The following ILF2 variants were observed in gnomAD, a reference collection of about 807,000 sequenced individuals.
ILF2 encodes interleukin enhancer binding factor 2.
Under a neutral mutation model 55.3 loss-of-function variants are expected in ILF2, and 9 were observed. That is an observed-to-expected ratio of 0.16 (90% CI 0.10 to 0.28). ILF2 has a LOEUF of 0.28. Among genes scored for constraint, ILF2 ranks in the 10% least tolerant of loss-of-function variants. The pLI is 1.00. For missense variants in ILF2, 266 were observed against 474.9 expected, an observed-to-expected ratio of 0.56 and a Z score of 4.09; for synonymous variants, 151 against 161.8, an observed-to-expected ratio of 0.93 and a Z score of 0.50.
At position 153,661,899 on chromosome 1, in the gene ILF2, A is replaced by T. The variant is rs1273213066; in HGVS notation, c.*497T>A. 2 of 155,940 alleles carry T rather than the reference A, an allele frequency of 1.3e-5. No homozygotes were observed. The highest frequency in any genetic ancestry group is 2.8e-5 in the Non-Finnish European group (2 of 70,214). The allele number at this position is 155,940 out of a possible 1,614,324, so 9.7% of individuals were successfully genotyped here. A position where few individuals can be genotyped will look rare whatever the true frequency, so the allele number is the denominator to read the frequency against. The stretch of plus-strand genomic sequence containing the variant: ...TCCTTTAATTCAAAGACAGCTTCAA[A>T]TTGTGATCTGAGTATTTATAATTAA... On this transcript the variant is annotated 3_prime_UTR_variant, in exon 14 of 14. Transcript: ENST00000361891.
At chr1:153,669,169 T>C (rs1205090178) in intron 3 of ILF2, among the ~76,000 whole-genome samples, 2 of 151,480 alleles carry the variant, frequency 1.3e-5, no homozygotes, top group Non-Finnish European at 2.9e-5. Context: ...GCCTCCCAGG[T>C]TCAGTGCAGT....
chr1:153,664,508 C>T (rs1287947290), intron 8 of ILF2, 34 bp from the exon 9 acceptor site: 3 of 1,524,590 alleles, frequency 2.0e-6, no homozygotes, highest in South Asian at 2.2e-5. Context: ...CAGGATGAAA[C>T]ATTTTCATTA....
intron 3 of ILF2, among the ~76,000 whole-genome samples, chr1:153,668,758 C>T (rs1232487090): frequency 6.6e-6 from 1 of 151,862 alleles, no homozygotes; most frequent in Non-Finnish European, 1.5e-5. Context: ...GATAGCTGGG[C>T]GTGGTGGCTC....
chr1:153,667,400 G>A (rs184248790), intron 6 of ILF2, 155 bp downstream of exon 6: 3 of 671,644 alleles, frequency 4.5e-6, no homozygotes, highest in African/African-American at 3.5e-5. Flanking sequence ...ATCACTTGCT[G>A]TAGTGGAGGT....
At chr1:153,667,247 G>A (rs1361238379) in intron 6 of ILF2, 6 of 454,434 alleles carry the variant, frequency 1.3e-5, no homozygotes, top group African/African-American at 9.9e-5. Context: ...GGAGGCTGAG[G>A]TGGGCAGATT....
chr1:153,666,545 G>A (rs1188774645), intron 6 of ILF2, among the ~76,000 whole-genome samples: 1 of 151,892 alleles, frequency 6.6e-6, no homozygotes. Context: ...GTAGGTACAG[G>A]ATCTCTCTAT....
intron 6 of ILF2, among the ~76,000 whole-genome samples, chr1:153,666,219 T>C (rs1669301955): frequency 6.6e-6 from 1 of 152,028 alleles, no homozygotes; most frequent in South Asian, 2.1e-4. Context: ...GGCCTCACTC[T>C]GTCACCCAAG....
Position 153,667,542 on chromosome 1 carries a change from C to T in ILF2, c.394+13G>A, listed in dbSNP as rs745387107. ...TATGTTCTGTTCCCATGACCAGAAACAGGCACACTCACACGTTGGCAGAAT... is the reference window on the plus strand; with the variant it reads ...TATGTTCTGTTCCCATGACCAGAAATAGGCACACTCACACGTTGGCAGAAT... On this transcript the variant is annotated intron_variant, in intron 6 of 13. Coordinates refer to ENST00000361891, the MANE Select transcript of ILF2 (RefSeq NM_004515.4). 19 of 1,555,178 alleles carry T rather than the reference C, an allele frequency of 1.2e-5. No individual in the cohort carries two copies. The South Asian group carries it at 2.0e-4, about 16-fold the overall frequency.
chr1:153,669,521 G>A (rs1347473915), intron 3 of ILF2, among the ~76,000 whole-genome samples: 2 of 151,684 alleles, frequency 1.3e-5, no homozygotes, highest in African/African-American at 2.4e-5. Context: ...TGCCATCTTG[G>A]TTCACTGCAA....
Position 153,663,317 on chromosome 1 carries a change from C to T in ILF2, c.745-41G>A, listed in dbSNP as rs115463327. The T allele has an allele frequency of 2.4e-4, 382 of 1,570,444 alleles. 1 individual carries two copies. The African/African-American group carries it at 4.8e-3, about 20-fold the overall frequency. On this transcript the variant is annotated intron_variant, in intron 10 of 13. Transcript: ENST00000361891. ...TCCAGTAGGTGTGCCATCAAAATGG[C>T]ACTTCTGATAACTAGAACTTTATTT...
intron 7 of ILF2, 106 bp downstream of exon 7, chr1:153,665,557 A>G (rs774519838): frequency 9.6e-7 from 1 of 1,038,134 alleles, no homozygotes; most frequent in Non-Finnish European, 1.5e-6. Flanking sequence ...AAAACTCTGC[A>G]TTTACTCTTC....
rs1430988468 is a variant in ILF2, at chr1:153,668,460, G to C, written c.206C>G (p.Ala69Gly). 6.2e-7 allele frequency: 1 copy of C among 1,614,140 alleles called. No individual in the cohort carries two copies. The highest frequency in any genetic ancestry group is 8.5e-7 in the Non-Finnish European group (1 of 1,180,008). Residue 69 changes from alanine (A) to glycine (G), a missense_variant, in exon 4 of 14, where the codon GCT becomes GGT. Transcript: ENST00000361891. ...ACAGCCAAAAGAACATACCTGTTCA[G>C]CAGAATTGGGAGCCAGGTCCTGATT... ...KRNQDLAPNSAEQASILSLVT... is the reference protein window; with the variant it reads ...KRNQDLAPNSGEQASILSLVT...
At chr1:153,667,345 G>A in intron 6 of ILF2, 1 of 591,258 alleles carries the variant, frequency 1.7e-6, no homozygotes, top group Non-Finnish European at 3.0e-6. Flanking sequence ...GGGTGTGGTA[G>A]CACACATCTG....
rs893170876 is a variant in ILF2 at position 153,662,193 on chromosome 1, T to C, written c.*203A>G. On this transcript the variant is annotated 3_prime_UTR_variant, in exon 14 of 14. Transcript: ENST00000361891. ...GAAGAAATGTTGGTATCCTCCATTA[T>C]AGATGGATGGCATAGGTCACAAATG... 6.7e-6 allele frequency: 4 copies of C among 592,666 alleles called. No homozygotes were observed. The highest frequency in any genetic ancestry group is 1.2e-5 in the Non-Finnish European group (4 of 336,902). The allele number at this position is 592,666 out of a possible 1,614,324, so 36.7% of individuals were successfully genotyped here. A position where few individuals can be genotyped will look rare whatever the true frequency, so the allele number is the denominator to read the frequency against.
chr1:153,662,529 T>C lies in ILF2; in HGVS notation c.1040A>G (p.Asp347Gly). 2 of 1,614,086 alleles carry C rather than the reference T, an allele frequency of 1.2e-6. No homozygotes were observed. The highest frequency in any genetic ancestry group is 1.7e-6 in the Non-Finnish European group (2 of 1,179,966). ...TTCTGAAGGTGTTACTATCACTCCATCCCAGGTAGATATTTCAGAAGCAAG... is the reference window on the plus strand; with the variant it reads ...TTCTGAAGGTGTTACTATCACTCCACCCCAGGTAGATATTTCAGAAGCAAG... ...SYLASEISTW[D>G]GVIVTPSEKA... The change falls in exon 14 of 14, where the codon GAT becomes GGT. Residue 347 changes from aspartate (D) to glycine (G), a missense_variant. Physicochemically the swap from Asp to Gly is moderately conservative, Grantham distance 94. Transcript: ENST00000361891.
rs767092802 is a variant in ILF2 at position 153,664,062 on chromosome 1, G to A, written c.725C>T (p.Pro242Leu). The A allele has an allele frequency of 1.2e-6, 2 of 1,612,662 alleles. No homozygotes were observed. Among genetic ancestry groups the A allele is most frequent in the Non-Finnish European group, 1.7e-6 (2 of 1,178,992 alleles). ...ACTTACTAGTAGGTCAAGGATCCAG[G>A]GTGTGAGGGGCTCAAAGCCAGGAAA... ...IRFPGFEPLT[P>L]WILDLLGHYA... is the part of the protein sequence containing the mutation. Residue 242 changes from proline (P) to leucine (L), a missense_variant, in exon 10 of 14, where the codon CCC (proline) becomes CTC (leucine). Coordinates refer to ENST00000361891, the MANE Select transcript of ILF2 (RefSeq NM_004515.4).
intron 6 of ILF2, among the ~76,000 whole-genome samples, chr1:153,666,699 G>A (rs1045172472): frequency 3.9e-5 from 6 of 152,098 alleles, no homozygotes; most frequent in African/African-American, 9.7e-5. Context: ...CAAAAGTACC[G>A]CCAGATACTG....
chr1:153,670,783 T>C lies in ILF2; in HGVS notation c.5+135A>G, dbSNP rs1317247521. 2.9e-5 allele frequency: 31 copies of C among 1,058,942 alleles called. No homozygotes were observed. In the South Asian group the frequency reaches 3.5e-4, roughly 12 times the overall value. 65.6% of individuals were successfully genotyped at this position (1,058,942 alleles called of 1,614,324 possible). On this transcript the variant is annotated intron_variant, in intron 1 of 13. Coordinates refer to ENST00000361891, the MANE Select transcript of ILF2 (RefSeq NM_004515.4). ...CCGGCCTCCATCTCTCCCACTATCC[T>C]AGACCAGGAGTTCTCAGGTTTTTGG...
chr1:153,664,305 A>C, intron 9 of ILF2, 91 bp downstream of exon 9: 1 of 1,190,400 alleles, frequency 8.4e-7, no homozygotes, highest in South Asian at 1.2e-5. Context: ...TCACAGGCAA[A>C]ATAGTTCTGT....
Sources: gnomAD v4.1 joint callset for allele counts (sites outside exome capture counted in the v4.1 genomes callset) on GRCh38, gnomAD v4.1.1 for gene constraint, MANE v1.5 for transcripts, NCBI Gene and HGNC (gene_info 2026-07-23, HGNC 2026-07-21) for gene names.